PTPRT: variants seen among roughly 807,000 people sequenced by gnomAD.
PTPRT encodes the protein receptor-type tyrosine-protein phosphatase T.
In PTPRT, 56 loss-of-function variants were observed where a neutral mutation model predicts 176.8. The ratio of observed to expected loss-of-function variants is 0.32; its 90% CI spans 0.26 to 0.40. The LOEUF (loss-of-function observed/expected upper bound fraction) is 0.40. Ranked by LOEUF, PTPRT falls within the 10% of genes least tolerant of loss-of-function variation. The pLI is 1.00. For synonymous variants in PTPRT, 783 were observed against 739.0 expected, an observed-to-expected ratio of 1.06 and a Z score of -0.96; for missense variants, 1,540 against 1,908.2, an observed-to-expected ratio of 0.81 and a Z score of 3.60.
chr20:43,019,336 T>C (rs1985533856), intron 1 of PTPRT, among the ~76,000 whole-genome samples: 1 of 152,080 alleles, frequency 6.6e-6, no homozygotes, highest in Non-Finnish European at 1.5e-5. Context: ...ATAATTGGGC[T>C]GTGGCCGGGC....
At chr20:42,386,334 T>C (rs566677060) in intron 9 of PTPRT, among the ~76,000 whole-genome samples, 53 of 151,792 alleles carry the variant, frequency 3.5e-4, no homozygotes, top group African/African-American at 1.3e-3. Context: ...ATTGAAAAAC[T>C]GTCCCAGGAG....
intron 2 of PTPRT, among the ~76,000 whole-genome samples, chr20:42,834,296 A>G (rs2078143349): frequency 6.6e-6 from 1 of 152,164 alleles, no homozygotes; most frequent in Non-Finnish European, 1.5e-5. Flanking sequence ...TAAAATCACA[A>G]TAAGACACAA....
the PTPRT span, among the ~76,000 whole-genome samples, chr20:42,037,667 C>T: frequency 6.6e-6 from 1 of 152,160 alleles, no homozygotes; most frequent in East Asian, 1.9e-4. Context: ...AGGAGTTTCT[C>T]AGGATTCAGT....
At chr20:42,422,333 A>G (rs1193405137) in intron 9 of PTPRT, among the ~76,000 whole-genome samples, 1 of 152,248 alleles carries the variant, frequency 6.6e-6, no homozygotes, top group Non-Finnish European at 1.5e-5. Flanking sequence ...TCCAGCATCT[A>G]TAAGAAACTG....
intron 13 of PTPRT, chr20:42,270,418 G>C (rs1411565153): frequency 1.9e-6 from 3 of 1,550,734 alleles, no homozygotes; most frequent in Non-Finnish European, 2.6e-6. Context: ...AGGCAGAGTG[G>C]AGTCCCCGGG....
intron 1 of PTPRT, among the ~76,000 whole-genome samples, chr20:42,942,461 C>A (rs936141488): frequency 6.6e-6 from 1 of 152,228 alleles, no homozygotes; most frequent in Non-Finnish European, 1.5e-5. Context: ...TACCCCACCA[C>A]GTGTTCTTAC....
chr20:42,886,177 G>A (rs1464301673), intron 1 of PTPRT, among the ~76,000 whole-genome samples: 1 of 152,110 alleles, frequency 6.6e-6, no homozygotes, highest in African/African-American at 2.4e-5. Flanking sequence ...TAGTTACATT[G>A]ATTTCAATCT....
chr20:42,483,839 C>T (rs2071425492), intron 7 of PTPRT, among the ~76,000 whole-genome samples: 1 of 152,236 alleles, frequency 6.6e-6, no homozygotes, highest in South Asian at 2.1e-4. Flanking sequence ...TAGGATGGCA[C>T]AAATCACATG....
chr20:42,811,404 A>G (rs1316604399), intron 2 of PTPRT, among the ~76,000 whole-genome samples: 1 of 152,130 alleles, frequency 6.6e-6, no homozygotes, highest in Non-Finnish European at 1.5e-5. Context: ...TTAACACTGT[A>G]TTTGTCTTTA....
chr20:42,727,113 C>A (rs1345382274), intron 6 of PTPRT, among the ~76,000 whole-genome samples: 1 of 152,166 alleles, frequency 6.6e-6, no homozygotes, highest in African/African-American at 2.4e-5. Flanking sequence ...TGCCCTGCTG[C>A]TGACAGGACA....
intron 9 of PTPRT, among the ~76,000 whole-genome samples, chr20:42,383,696 C>G (rs1385392665): frequency 6.6e-6 from 1 of 152,100 alleles, no homozygotes. Context: ...GGGGAAAATA[C>G]CACTATATCA....
At chr20:42,784,433 T>C (rs2145514448) in intron 3 of PTPRT, among the ~76,000 whole-genome samples, 1 of 152,298 alleles carries the variant, frequency 6.6e-6, no homozygotes, top group Non-Finnish European at 1.5e-5. Flanking sequence ...AGAGATTGTT[T>C]AGGGTAAAAT....
chr20:43,050,135 G>A (rs989113639), intron 1 of PTPRT, among the ~76,000 whole-genome samples: 3 of 152,174 alleles, frequency 2.0e-5, no homozygotes, highest in African/African-American at 4.8e-5. Flanking sequence ...AGGTTACCAA[G>A]GAAGGGAACA....
chr20:42,462,873 A>T (rs554737181), intron 8 of PTPRT, among the ~76,000 whole-genome samples: 1 of 152,334 alleles, frequency 6.6e-6, no homozygotes, highest in Non-Finnish European at 1.5e-5. Context: ...GCCATTTTAC[A>T]GATGGGGCAC....
At chr20:43,103,029 A>T (rs1382816226) in intron 1 of PTPRT, among the ~76,000 whole-genome samples, 1 of 152,024 alleles carries the variant, frequency 6.6e-6, no homozygotes, top group Non-Finnish European at 1.5e-5. Flanking sequence ...GAAGGAAAAG[A>T]CCAGAGATGA....
chr20:42,917,011 G>A (rs1382297146), intron 1 of PTPRT, among the ~76,000 whole-genome samples: 1 of 152,134 alleles, frequency 6.6e-6, no homozygotes, highest in Non-Finnish European at 1.5e-5. Flanking sequence ...ACTGCTTTTG[G>A]TGTTTTAGAC....
chr20:42,319,412 TA>T (rs1451669180), intron 11 of PTPRT, among the ~76,000 whole-genome samples: 6 of 152,110 alleles, frequency 3.9e-5, no homozygotes, highest in South Asian at 4.2e-4. Flanking sequence ...TAGCAAAGGG[TA>T]TTTTTTTTTG....
chr20:42,567,372 G>A (rs772617722), intron 7 of PTPRT, among the ~76,000 whole-genome samples: 2 of 152,012 alleles, frequency 1.3e-5, no homozygotes, highest in Non-Finnish European at 2.9e-5. Flanking sequence ...ATTTATTACT[G>A]CAGCCACGCC....
Position 42,526,771 on chromosome 20 carries a change from T to C in PTPRT, c.1154-54209A>G, listed in dbSNP as rs547684679. Among the ~76,000 whole-genome samples the C allele has an allele frequency of 7.9e-5, 12 of 152,130 alleles. No individual in the cohort carries two copies. The South Asian group carries it at 2.5e-3, about 32-fold the overall frequency. On this transcript the variant is annotated intron_variant, in intron 7 of 30. Transcript: ENST00000373187. ...TGAATCAGCTATTTGTAGAAGGTTT[T>C]ATTTGACGTGGAGCAGGGCCAAGTT...
Sources: gnomAD v4.1 joint callset for allele counts (sites outside exome capture counted in the v4.1 genomes callset) on GRCh38, gnomAD v4.1.1 for gene constraint, MANE v1.5 for transcripts, NCBI Gene and HGNC (gene_info 2026-07-23, HGNC 2026-07-21) for gene names.